The following MASP1 variants were observed in gnomAD, a reference collection of about 807,000 sequenced individuals.
MASP1 encodes mannan-binding lectin serine protease 1.
Under a neutral mutation model 77.1 loss-of-function variants are expected in MASP1, and 59 were observed. The observed-to-expected ratio is 0.77, with a 90% CI of 0.62 to 0.95. MASP1 has a LOEUF of 0.95. MASP1 is among the 40% of genes least tolerant of loss of function. The pLI is 0.00. For missense variants in MASP1, 885 were observed against 912.9 expected (o/e 0.97, Z 0.39); for synonymous variants, 362 against 354.5 (o/e 1.02, Z -0.24).
At chr3:187,280,700 A>G (rs1717341014) in intron 2 of MASP1, among the ~76,000 whole-genome samples, 1 of 152,248 alleles carries the variant, frequency 6.6e-6, no homozygotes, top group African/African-American at 2.4e-5. Flanking sequence ...ATGTTACAAC[A>G]TAAAAACTAG....
chr3:187,229,618 C>G, downstream of MASP1: 1 of 1,095,396 alleles, frequency 9.1e-7, no homozygotes, highest in Non-Finnish European at 1.3e-6. Context: ...AGGATCCAGT[C>G]TAGCCGAGAA....
At chr3:187,262,867 G>C in intron 2 of MASP1, 147 bp from the exon 3 acceptor site, 1 of 688,418 alleles carries the variant, frequency 1.5e-6, no homozygotes, top group South Asian at 1.7e-5. Context: ...GGATTCTTGA[G>C]AAAAGACGCA....
intron 4 of MASP1, among the ~76,000 whole-genome samples, chr3:187,258,989 A>G (rs551050258): frequency 7.0e-4 from 107 of 152,266 alleles, no homozygotes; most frequent in African/African-American, 2.3e-3. Flanking sequence ...TTTTCTTTTA[A>G]CAGCTCCCTA....
chr3:187,238,371 A>T (rs149902400), intron 10 of MASP1, among the ~76,000 whole-genome samples: 1 of 152,202 alleles, frequency 6.6e-6, no homozygotes, highest in Non-Finnish European at 1.5e-5. Flanking sequence ...GTCTAGCTTC[A>T]TATCTCCACT....
rs1039370335 is a variant in MASP1, at chr3:187,227,045, T to C, written c.1442-525A>G. ...AGTTTAAAATTGATGAATCCGAAGC[T>C]ACCTACACTGGCTGCACGTTAGAAT... On this transcript the variant is annotated intron_variant, in intron 11 of 15. Transcript: ENST00000337774. Among the ~76,000 whole-genome samples the C allele has an allele frequency of 5.3e-4, 80 of 152,340 alleles. 1 individual carries two copies. Among genetic ancestry groups the C allele is most frequent in the African/African-American group, 1.9e-3 (77 of 41,580 alleles).
At chr3:187,247,954 A>G (rs1714239363) in intron 8 of MASP1, among the ~76,000 whole-genome samples, 1 of 152,156 alleles carries the variant, frequency 6.6e-6, no homozygotes, top group African/African-American at 2.4e-5. Flanking sequence ...AAAATTTTTA[A>G]TCAGCGAATT....
chr3:187,244,719 T>C (rs1439544618), intron 8 of MASP1: 1 of 152,216 alleles, frequency 6.6e-6, no homozygotes, highest in Non-Finnish European at 1.5e-5. Flanking sequence ...TAGTGGTTCT[T>C]AAGGATCTGT....
chr3:187,238,922 G>T (rs558464101), intron 10 of MASP1, among the ~76,000 whole-genome samples: 3 of 152,282 alleles, frequency 2.0e-5, no homozygotes, highest in African/African-American at 7.2e-5. Flanking sequence ...TGCGAAGAGA[G>T]AATTTACAAA....
chr3:187,288,640 G>A (rs1313765587), intron 1 of MASP1, among the ~76,000 whole-genome samples: 1 of 152,222 alleles, frequency 6.6e-6, no homozygotes. Context: ...CAAAAAGCAA[G>A]AGTCAGGAAT....
chr3:187,282,292 G>T (rs1221492307), intron 2 of MASP1, among the ~76,000 whole-genome samples: 2 of 151,880 alleles, frequency 1.3e-5, no homozygotes, highest in African/African-American at 4.8e-5. Flanking sequence ...AGGTCAGGAG[G>T]TCAAGACCAT....
At chr3:187,251,297 G>T (rs577070684) in intron 7 of MASP1, 1 of 293,566 alleles carries the variant, frequency 3.4e-6, no homozygotes, top group South Asian at 4.0e-5. Flanking sequence ...TCCTTTCCTG[G>T]TATCCCACTC....
At chr3:187,229,883 T>G (rs947357216), downstream of MASP1, 9 of 1,613,984 alleles carry the variant, frequency 5.6e-6, no homozygotes, top group African/African-American at 4.0e-5. Flanking sequence ...CGGGAGAACT[T>G]GGGGAGCCCA....
At chr3:187,255,026 C>T (rs1009828447) in intron 5 of MASP1, among the ~76,000 whole-genome samples, 1 of 152,100 alleles carries the variant, frequency 6.6e-6, no homozygotes, top group African/African-American at 2.4e-5. Context: ...GTCCTCCTGA[C>T]CTTCACCCCT....
intron 6 of MASP1, among the ~76,000 whole-genome samples, chr3:187,252,322 C>T (rs1344266417): frequency 6.6e-6 from 1 of 152,208 alleles, no homozygotes; most frequent in Non-Finnish European, 1.5e-5. Context: ...CTCATTTGTC[C>T]TCTTGGGCCA....
In MASP1 at chr3:187,256,686, G is replaced by C; in HGVS notation, c.722C>G (p.Pro241Arg). Residue 241 changes from proline (P) to arginine (R), a missense_variant, in exon 5 of 11, where the codon CCC becomes CGC. By Grantham distance (103) the Pro-to-Arg change is moderately radical. Transcript: ENST00000296280. ...IFDIEDHPEVPCPYDYIKIKV... is the reference protein window; with the variant it reads ...IFDIEDHPEVRCPYDYIKIKV... ...CACCTTGATGTAGTCATAGGGGCAG[G>C]GCACCTCAGGATGGTCCTCAATGTC... 1 of 1,613,942 alleles carries C rather than the reference G, an allele frequency of 6.2e-7. No homozygotes were observed. Among genetic ancestry groups the C allele is most frequent in the Non-Finnish European group, 8.5e-7 (1 of 1,180,016 alleles).
At chr3:187,221,196 C>T (rs1712040125) in intron 14 of MASP1, 1 of 1,226,412 alleles carries the variant, frequency 8.2e-7, no homozygotes, top group Non-Finnish European at 1.2e-6. Context: ...TATTCTGACA[C>T]CCCTGAAGAC....
chr3:187,229,462 C>T (rs1458634104), downstream of MASP1, among the ~76,000 whole-genome samples: 6 of 152,142 alleles, frequency 3.9e-5, no homozygotes, highest in Non-Finnish European at 7.3e-5. Context: ...CTTTGTAAAT[C>T]GACCTTCCCT....
downstream of MASP1, among the ~76,000 whole-genome samples, chr3:187,231,484 T>G (rs1712763610): frequency 6.6e-6 from 1 of 152,258 alleles, no homozygotes; most frequent in Non-Finnish European, 1.5e-5. Flanking sequence ...AAGTGCCATG[T>G]ACTGCACAAA....
rs367729719 is a variant in MASP1 at position 187,291,629 on chromosome 3, T to A, written c.4A>T (p.Arg2Trp). 1.9e-6 allele frequency: 3 copies of A among 1,614,178 alleles called. No homozygotes were observed. The highest frequency in any genetic ancestry group is 2.5e-6 in the Non-Finnish European group (3 of 1,180,010). M[R>W]WLLLYYALCF... is the part of the protein sequence containing the mutation. ...GCCCTCTCCTCCCCTGGCACGTACC[T>A]CATTTTCCTGCCTTGGGTGCTCCCG... Residue 2 changes from arginine to tryptophan, a missense_variant and splice_region_variant, in exon 1 of 11, where the codon AGG becomes TGG. By Grantham distance (101) the Arg-to-Trp change is moderately radical (BLOSUM62 -3). Coordinates refer to ENST00000296280, the MANE Select transcript of MASP1 (RefSeq NM_139125.4).
Sources: gnomAD v4.1 joint callset for allele counts (sites outside exome capture counted in the v4.1 genomes callset) on GRCh38, gnomAD v4.1.1 for gene constraint, MANE v1.5 for transcripts, NCBI Gene and HGNC (gene_info 2026-07-23, HGNC 2026-07-21) for gene names.